NRG3: variants seen among roughly 807,000 people sequenced by gnomAD.
NRG3 encodes pro-neuregulin-3, membrane-bound isoform.
A neutral mutation model predicts 66.9 loss-of-function variants in NRG3; 31 were observed. That is an observed-to-expected ratio of 0.46 (90% CI 0.35 to 0.63). The LOEUF (loss-of-function observed/expected upper bound fraction) is 0.63, where lower values mean the gene tolerates loss of function less well. NRG3 is among the 20% of genes least tolerant of loss of function. The pLI is 0.00. For synonymous variants in NRG3, 393 were observed against 359.4 expected (o/e 1.09, Z -1.06); for missense variants, 910 against 878.9 (o/e 1.04, Z -0.45).
chr10:82,267,905 T>C (rs1472857768), intron 1 of NRG3, among the ~76,000 whole-genome samples: 1 of 152,174 alleles, frequency 6.6e-6, no homozygotes, highest in Non-Finnish European at 1.5e-5. Flanking sequence ...CACCTGTCTT[T>C]TGAGAATTCT....
At chr10:82,146,309 A>C (rs2070252679) in intron 1 of NRG3, among the ~76,000 whole-genome samples, 1 of 152,134 alleles carries the variant, frequency 6.6e-6, no homozygotes, top group Non-Finnish European at 1.5e-5. Flanking sequence ...GTCTTACTCC[A>C]AATGTCGTTT....
intron 3 of NRG3, among the ~76,000 whole-genome samples, chr10:82,755,448 C>T (rs1394701670): frequency 4.6e-5 from 7 of 151,998 alleles, no homozygotes; most frequent in Admixed American, 4.6e-4. Flanking sequence ...CCTCTCTGCC[C>T]AAAAAATCAT....
intron 1 of NRG3, among the ~76,000 whole-genome samples, chr10:82,351,129 C>T (rs910181335): frequency 1.3e-5 from 2 of 152,070 alleles, no homozygotes; most frequent in African/African-American, 4.8e-5. Context: ...CTCCTGACCT[C>T]GAGATCTGCC....
chr10:82,582,864 T>A (rs770206146), intron 2 of NRG3, among the ~76,000 whole-genome samples: 29 of 152,182 alleles, frequency 1.9e-4, no homozygotes, highest in Non-Finnish European at 3.1e-4. Flanking sequence ...CTCCCTTTTT[T>A]AAATTAACAT....
intron 1 of NRG3, among the ~76,000 whole-genome samples, chr10:82,094,116 A>G (rs17099395): frequency 0.038 from 5,751 of 152,294 alleles, 147 homozygotes; most frequent in East Asian, 0.1. Flanking sequence ...TCATATTGAA[A>G]GAGACTTTGA....
At chr10:82,334,375 A>G (rs1446679401) in intron 1 of NRG3, among the ~76,000 whole-genome samples, 1 of 152,178 alleles carries the variant, frequency 6.6e-6, no homozygotes, top group Non-Finnish European at 1.5e-5. Flanking sequence ...GAAAGGAAAC[A>G]TGTAAACTGG....
chr10:81,916,933 G>A (rs1398882965), intron 1 of NRG3, among the ~76,000 whole-genome samples: 3 of 152,160 alleles, frequency 2.0e-5, no homozygotes, highest in African/African-American at 7.2e-5. Flanking sequence ...TGATGAAATT[G>A]TAAATACACT....
intron 1 of NRG3, among the ~76,000 whole-genome samples, chr10:81,907,579 G>C (rs564490830): frequency 6.6e-6 from 1 of 152,210 alleles, no homozygotes; most frequent in East Asian, 1.9e-4. Context: ...AGAGAAAAAA[G>C]ATCTCTACTG....
At chr10:82,820,126 G>A (rs913336770) in intron 3 of NRG3, among the ~76,000 whole-genome samples, 1 of 152,156 alleles carries the variant, frequency 6.6e-6, no homozygotes, top group Non-Finnish European at 1.5e-5. Context: ...TTGGATAGCA[G>A]AGAAGAGTGG....
intron 1 of NRG3, among the ~76,000 whole-genome samples, chr10:82,007,033 T>C (rs2061398551): frequency 6.6e-6 from 1 of 152,110 alleles, no homozygotes; most frequent in African/African-American, 2.4e-5. Flanking sequence ...TTAAGGACAT[T>C]TGGGCATATG....
intron 1 of NRG3, among the ~76,000 whole-genome samples, chr10:82,016,373 A>G (rs1448458560): frequency 1.3e-5 from 2 of 152,050 alleles, no homozygotes; most frequent in Non-Finnish European, 2.9e-5. Context: ...GGAGGTTGCA[A>G]ACAGAACCCT....
intron 1 of NRG3, among the ~76,000 whole-genome samples, chr10:82,302,174 A>G (rs1265169000): frequency 1.3e-5 from 2 of 152,028 alleles, no homozygotes; most frequent in Non-Finnish European, 2.9e-5. Flanking sequence ...CAGCAGAAAA[A>G]GTTAATGTAG....
At chr10:82,792,883 T>A (rs745720267) in intron 3 of NRG3, among the ~76,000 whole-genome samples, 4 of 151,992 alleles carry the variant, frequency 2.6e-5, no homozygotes, top group African/African-American at 4.8e-5. Flanking sequence ...GGTTTCTCCA[T>A]GTTGTTTAGG....
intron 1 of NRG3, among the ~76,000 whole-genome samples, chr10:82,295,422 G>A (rs1470687135): frequency 7.2e-5 from 11 of 152,078 alleles, no homozygotes; most frequent in Admixed American, 4.6e-4. Context: ...GTATGACCTC[G>A]GTGGAGCCTG....
chr10:82,243,279 T>C (rs1421983405), intron 1 of NRG3, among the ~76,000 whole-genome samples: 1 of 152,200 alleles, frequency 6.6e-6, no homozygotes, highest in Non-Finnish European at 1.5e-5. Context: ...AAAATCAGTC[T>C]TCTAGTAAAT....
intron 1 of NRG3, among the ~76,000 whole-genome samples, chr10:81,939,714 AAC>A (rs996860285): frequency 2.0e-5 from 3 of 147,134 alleles, no homozygotes; most frequent in South Asian, 2.1e-4. Flanking sequence ...AAAAAAAAAA[AAC>A]CCAAATCTTA....
rs557040015 is a variant in NRG3, at chr10:82,458,929, T to TCC, written c.953+100062_953+100063dup. 4.1e-3 allele frequency among the ~76,000 whole-genome samples: 617 copies of TCC among 152,214 alleles called. 6 individuals carry two copies. The highest frequency in any genetic ancestry group is 0.015 in the African/African-American group (606 of 41,530). On this transcript the variant is annotated intron_variant, in intron 2 of 8. Coordinates refer to ENST00000372141, the MANE Select transcript of NRG3 (RefSeq NM_001010848.4). ...GCTCAGAATTTTCAGCTGCATTGCC[T>TCC]CCACTGGAGGAAACAGAAGGTCATC...
At chr10:82,396,542 A>G (rs771261779) in intron 2 of NRG3, among the ~76,000 whole-genome samples, 1 of 152,224 alleles carries the variant, frequency 6.6e-6, no homozygotes, top group Non-Finnish European at 1.5e-5. Context: ...CCGTCTACTC[A>G]TGAACAAATA....
chr10:82,401,193 G>C (rs2087075632), intron 2 of NRG3, among the ~76,000 whole-genome samples: 1 of 152,046 alleles, frequency 6.6e-6, no homozygotes, highest in Non-Finnish European at 1.5e-5. Flanking sequence ...GAAGACTGAA[G>C]AAGATTTTAC....
Sources: allele counts gnomAD v4.1 joint callset (sites outside exome capture counted in the v4.1 genomes callset), GRCh38; gene constraint gnomAD v4.1.1; transcripts MANE v1.5; gene names NCBI Gene and HGNC (gene_info 2026-07-23, HGNC 2026-07-21).